RIMBP2: variants seen among roughly 807,000 people sequenced by gnomAD.
RIMBP2 encodes the protein RIMS-binding protein 2.
RIMBP2 carries 48 observed loss-of-function variants against 118.6 expected under a neutral mutation model. That is an observed-to-expected ratio of 0.40 (90% CI 0.32 to 0.51). RIMBP2 has a LOEUF of 0.51. Among genes scored for constraint, RIMBP2 ranks in the 20% least tolerant of loss-of-function variants. The probability of loss-of-function intolerance (pLI) is 0.41; values close to 1 mark genes in which losing one functional copy is unlikely to be tolerated. For synonymous variants in RIMBP2, 762 were observed against 742.9 expected, an observed-to-expected ratio of 1.03 and a Z score of -0.42; for missense variants, 1,551 against 1,768.3, an observed-to-expected ratio of 0.88 and a Z score of 2.20.
intron 1 of RIMBP2, among the ~76,000 whole-genome samples, chr12:130,684,046 A>G (rs540706888): frequency 5.2e-4 from 79 of 152,112 alleles, no homozygotes; most frequent in East Asian, 2.4e-3. Context: ...GTCTGATAAG[A>G]AACATTTACA....
At position 130,431,062 on chromosome 12, in the gene RIMBP2, G is replaced by A. The variant is rs1247306811; in HGVS notation, c.2254-2725C>T. On this transcript the variant is annotated intron_variant, in intron 14 of 22. Coordinates refer to ENST00000690449, the MANE Select transcript of RIMBP2 (RefSeq NM_001393629.1). This position sits in a 1 kb window ranked among gnomAD's most constrained non-coding sequence, Gnocchi z 4.0. ...AAGATATTATTTATTGGTACAGTGA[G>A]CATTTCTCATTGTGGACTTAATGAA... is the stretch of plus-strand genomic sequence containing the variant. 1.3e-5 allele frequency among the ~76,000 whole-genome samples: 2 copies of A among 152,188 alleles called. No homozygotes were observed. The highest frequency in any genetic ancestry group is 2.9e-5 in the Non-Finnish European group (2 of 68,032).
chr12:130,673,619 T>A (rs767042198), intron 1 of RIMBP2, among the ~76,000 whole-genome samples: 24 of 152,170 alleles, frequency 1.6e-4, no homozygotes, highest in Non-Finnish European at 3.2e-4. Context: ...GAAAGGCCAT[T>A]GCAGTAGAAC....
chr12:130,653,116 C>T (rs767828309), intron 1 of RIMBP2, among the ~76,000 whole-genome samples: 41 of 152,340 alleles, frequency 2.7e-4, no homozygotes, highest in Non-Finnish European at 5.3e-4. Flanking sequence ...CCCAACAGTC[C>T]TCCAAAGTCT....
Position 130,431,423 on chromosome 12 carries a change from G to A in RIMBP2, c.2254-3086C>T. 2.4e-6 allele frequency: 1 copy of A among 415,216 alleles called. No homozygotes were observed. Among genetic ancestry groups the A allele is most frequent in the Non-Finnish European group, 5.0e-6 (1 of 201,578 alleles). The allele number at this position is 415,216 out of a possible 1,614,324, so 25.7% of individuals were successfully genotyped here. On this transcript the variant is annotated intron_variant, in intron 14 of 22. Transcript: ENST00000690449. This position sits in a 1 kb window ranked among gnomAD's most constrained non-coding sequence, Gnocchi z 4.0. ...TTCAGTCACTCCCTACCACTGTCAT[G>A]ATGCGTCACCTAGCCAGACGCCATC...
intron 2 of RIMBP2, among the ~76,000 whole-genome samples, chr12:130,593,905 T>C (rs1458844224): frequency 6.6e-6 from 1 of 152,238 alleles, no homozygotes; most frequent in Non-Finnish European, 1.5e-5. Context: ...TCTATTTCAA[T>C]AACGGTTAAT....
At chr12:130,415,843 A>G (rs1255317490) in intron 17 of RIMBP2, among the ~76,000 whole-genome samples, 1 of 152,224 alleles carries the variant, frequency 6.6e-6, no homozygotes, top group African/African-American at 2.4e-5. Context: ...CCAATAGACA[A>G]TTTCAATAAA....
intron 5 of RIMBP2, chr12:130,472,184 T>C (rs546184698): frequency 6.6e-6 from 1 of 152,362 alleles, no homozygotes; most frequent in East Asian, 1.9e-4. Flanking sequence ...GATCTAGCCA[T>C]GTCTGAAGCC....
intron 4 of RIMBP2, among the ~76,000 whole-genome samples, chr12:130,500,840 G>A (rs2049693944): frequency 6.6e-6 from 1 of 152,006 alleles, no homozygotes; most frequent in South Asian, 2.1e-4. Flanking sequence ...GGGAACAAAG[G>A]CCGTGGTGAT....
chr12:130,436,511 G>A (rs1210452061), intron 13 of RIMBP2, among the ~76,000 whole-genome samples: 2 of 152,174 alleles, frequency 1.3e-5, no homozygotes, highest in East Asian at 1.9e-4. Flanking sequence ...TCAGGAAAGT[G>A]GGTCCTGGCC....
At chr12:130,527,643 G>A (rs935810938) in intron 2 of RIMBP2, among the ~76,000 whole-genome samples, 1 of 151,820 alleles carries the variant, frequency 6.6e-6, no homozygotes, top group Admixed American at 6.6e-5. Context: ...ACTATCATCA[G>A]AGCAAACAGA....
chr12:130,485,673 A>G (rs566785652), intron 4 of RIMBP2, among the ~76,000 whole-genome samples: 4 of 152,288 alleles, frequency 2.6e-5, no homozygotes, highest in Admixed American at 2.0e-4. Context: ...TGTTAGCGAG[A>G]GGAGGGTGCC....
At chr12:130,413,221 T>C (rs917380739) in intron 18 of RIMBP2, among the ~76,000 whole-genome samples, 2 of 152,206 alleles carry the variant, frequency 1.3e-5, no homozygotes, top group African/African-American at 4.8e-5. Context: ...CGTTCTCAAA[T>C]GCCAACTGTC....
rs528218682 is a variant in RIMBP2, at chr12:130,466,929, A to C, written c.153+3764T>G. 3.9e-4 allele frequency among the ~76,000 whole-genome samples: 59 copies of C among 152,346 alleles called. No homozygotes were observed. In the South Asian group the frequency reaches 0.012, roughly 31 times the overall value. On this transcript the variant is annotated intron_variant, in intron 6 of 22. Coordinates refer to ENST00000690449, the MANE Select transcript of RIMBP2 (RefSeq NM_001393629.1). ...TTCCTCTGCCTCCCTCTCACATGGA[A>C]ATTGTGTATTCAGTGAAAGGCTCAT...
intron 2 of RIMBP2, among the ~76,000 whole-genome samples, chr12:130,602,895 G>A (rs115358372): frequency 6.6e-6 from 1 of 152,060 alleles, no homozygotes; most frequent in African/African-American, 2.4e-5. Context: ...ACCCTGCAAG[G>A]GGTCTATCAG....
At chr12:130,687,796 T>A (rs6486570) in intron 1 of RIMBP2, among the ~76,000 whole-genome samples, 5 of 152,010 alleles carry the variant, frequency 3.3e-5, no homozygotes, top group Admixed American at 6.5e-5. Flanking sequence ...AGTATAATAA[T>A]GGCTTATTTT....
chr12:130,531,129 T>C (rs1436458590), intron 2 of RIMBP2, among the ~76,000 whole-genome samples: 1 of 152,256 alleles, frequency 6.6e-6, no homozygotes, highest in Non-Finnish European at 1.5e-5. Context: ...TCTATGGCCA[T>C]AGAAATCAGA....
chr12:130,571,978 G>A (rs554099385), intron 2 of RIMBP2, among the ~76,000 whole-genome samples: 16 of 152,302 alleles, frequency 1.1e-4, no homozygotes, highest in Non-Finnish European at 1.9e-4. Context: ...CTGTCCCGGC[G>A]CCCTCGGTCA....
intron 7 of RIMBP2, among the ~76,000 whole-genome samples, chr12:130,455,698 G>A (rs1232403296): frequency 6.6e-6 from 1 of 152,190 alleles, no homozygotes; most frequent in African/African-American, 2.4e-5. Flanking sequence ...AGAACTAGGG[G>A]AAATTTGCAA....
intron 1 of RIMBP2, among the ~76,000 whole-genome samples, chr12:130,666,791 G>T (rs1197810145): frequency 8.4e-6 from 1 of 118,708 alleles, no homozygotes; most frequent in African/African-American, 3.0e-5. Flanking sequence ...AGAAGGGAGG[G>T]ATGGAGGGAG....
Sources: gnomAD v4.1 joint callset for allele counts (sites outside exome capture counted in the v4.1 genomes callset) on GRCh38, gnomAD v4.1.1 for gene constraint, Gnocchi (gnomAD v3.1) non-coding constraint, MANE v1.5 for transcripts, NCBI Gene and HGNC (gene_info 2026-07-23, HGNC 2026-07-21) for gene names.